The following MTG2 variants were observed in gnomAD, a reference collection of about 807,000 sequenced individuals.
The protein encoded by MTG2 is mitochondrial ribosome associated GTPase 2.
In MTG2, 23 loss-of-function variants were observed where a neutral mutation model predicts 28.6. The ratio of observed to expected loss-of-function variants is 0.80; its 90% CI spans 0.58 to 1.14. The LOEUF (loss-of-function observed/expected upper bound fraction) is 1.14. Among genes scored for constraint, MTG2 ranks in the 50% most tolerant of loss-of-function variants. MTG2 has a pLI of 0.00. For missense variants in MTG2, 539 were observed against 552.0 expected (o/e 0.98, Z 0.24); for synonymous variants, 260 against 251.8 (o/e 1.03, Z -0.31).
At chr20:62,190,466 C>T (rs1255412966) in intron 1 of MTG2, among the ~76,000 whole-genome samples, 7 of 152,192 alleles carry the variant, frequency 4.6e-5, no homozygotes, top group South Asian at 2.1e-4. Flanking sequence ...TCCTTCAACC[C>T]GAGGAACTTT....
intron 1 of MTG2, chr20:62,188,780 T>C (rs2057899166): frequency 6.6e-6 from 1 of 152,180 alleles, no homozygotes. Flanking sequence ...TTTTTTTGTT[T>C]GTTTTCCAGA....
At chr20:62,192,920 A>T (rs1296968888) in intron 1 of MTG2, among the ~76,000 whole-genome samples, 1 of 152,220 alleles carries the variant, frequency 6.6e-6, no homozygotes, top group African/African-American at 2.4e-5. Flanking sequence ...GAGGCCACAC[A>T]GGTGGATGGC....
chr20:62,187,661 G>A (rs1319222326), intron 1 of MTG2, among the ~76,000 whole-genome samples: 3 of 152,230 alleles, frequency 2.0e-5, no homozygotes. Flanking sequence ...CCCTCTGGCT[G>A]TCTGTAAGGT....
chr20:62,187,280 C>T (rs2057867958), intron 1 of MTG2, among the ~76,000 whole-genome samples: 1 of 152,176 alleles, frequency 6.6e-6, no homozygotes, highest in Non-Finnish European at 1.5e-5. Context: ...TTATTTGCAT[C>T]TATATTCATG....
intron 2 of MTG2, chr20:62,193,834 C>G: frequency 1.8e-6 from 1 of 570,964 alleles, no homozygotes; most frequent in Non-Finnish European, 3.1e-6. Flanking sequence ...CTGGGAGAGG[C>G]GCTGCGTGCT....
intron 4 of MTG2, 81 bp from the exon 5 acceptor site, chr20:62,198,553 G>A: frequency 1.4e-6 from 2 of 1,431,344 alleles, no homozygotes; most frequent in Middle Eastern, 3.9e-4. Flanking sequence ...TCTTTCCTTA[G>A]CGCTTGCTTC....
At chr20:62,189,413 G>A (rs138777881) in intron 1 of MTG2, among the ~76,000 whole-genome samples, 40 of 152,198 alleles carry the variant, frequency 2.6e-4, no homozygotes, top group African/African-American at 9.6e-4. Flanking sequence ...GGGCTCAAGT[G>A]ATTCTCCCAC....
At chr20:62,186,708 T>C (rs1238816408) in intron 1 of MTG2, among the ~76,000 whole-genome samples, 1 of 152,100 alleles carries the variant, frequency 6.6e-6, no homozygotes, top group Non-Finnish European at 1.5e-5. Flanking sequence ...TTTATATTTT[T>C]AGTAGAGATG....
intron 1 of MTG2, 25 bp from the exon 2 acceptor site, chr20:62,193,391 C>A (rs1385845879): frequency 6.2e-7 from 1 of 1,609,834 alleles, no homozygotes; most frequent in Non-Finnish European, 8.5e-7. Context: ...CCAAGTATCT[C>A]ATTTTGCCAA....
At position 62,200,752 on chromosome 20, in the gene MTG2, A is replaced by T. The variant is rs1385029111; in HGVS notation, c.896A>T (p.His299Leu). Residue 299 changes from histidine to leucine, a missense_variant, in exon 7 of 7, where the codon CAC becomes CTC. Physicochemically the swap from His to Leu is moderately conservative, Grantham distance 99. Coordinates refer to ENST00000370823, the MANE Select transcript of MTG2 (RefSeq NM_015666.4). ...GGTCTGGGGTCCGCCTTCCTCAGGCACATCGAGCGCTGCCGCTTTCTCTTG... is the reference window on the plus strand; with the variant it reads ...GGTCTGGGGTCCGCCTTCCTCAGGCTCATCGAGCGCTGCCGCTTTCTCTTG... ...NRGLGSAFLRHIERCRFLLFV... is the reference protein window; with the variant it reads ...NRGLGSAFLRLIERCRFLLFV... 1 of 1,613,638 alleles carries T rather than the reference A, an allele frequency of 6.2e-7. No homozygotes were observed. The highest frequency in any genetic ancestry group is 8.5e-7 in the Non-Finnish European group (1 of 1,180,036).
At position 62,192,934 on chromosome 20, in the gene MTG2, C is replaced by T. The variant is rs117031731; in HGVS notation, c.-5-482C>T. ...CGAGGCCACACAGGTGGATGGCCTT[C>T]CCTTAGAGTTACTTTCCAGAGCCTG... On this transcript the variant is annotated intron_variant, in intron 1 of 6. Coordinates refer to ENST00000370823, the MANE Select transcript of MTG2 (RefSeq NM_015666.4). Among the ~76,000 whole-genome samples, 3 of 152,352 alleles carry T rather than the reference C, an allele frequency of 2.0e-5. No individual in the cohort carries two copies. The East Asian group carries it at 5.8e-4, about 29-fold the overall frequency.
intron 1 of MTG2, among the ~76,000 whole-genome samples, chr20:62,185,864 G>A (rs1406373484): frequency 3.3e-5 from 5 of 152,204 alleles, no homozygotes; most frequent in African/African-American, 9.7e-5. Flanking sequence ...AAAGAGCAGC[G>A]TGAAAACAGT....
chr20:62,183,892 C>G (rs918114820), intron 1 of MTG2, among the ~76,000 whole-genome samples: 1 of 152,118 alleles, frequency 6.6e-6, no homozygotes, highest in Non-Finnish European at 1.5e-5. Context: ...GGCCTTAGTC[C>G]CTTGGGAAGT....
At chr20:62,185,025 A>G (rs1312935114) in intron 1 of MTG2, among the ~76,000 whole-genome samples, 1 of 151,434 alleles carries the variant, frequency 6.6e-6, no homozygotes, top group East Asian at 1.9e-4. Flanking sequence ...CGAGTGGATC[A>G]CTTGAACCCA....
chr20:62,202,767 AGTG>A lies in MTG2; in HGVS notation c.*1692_*1694del, dbSNP rs1337517170. The A allele has an allele frequency of 1.3e-5, 2 of 151,544 alleles. No individual in the cohort carries two copies. Among genetic ancestry groups the A allele is most frequent in the Non-Finnish European group, 2.9e-5 (2 of 68,062 alleles). 9.4% of individuals were successfully genotyped at this position (151,544 alleles called of 1,614,324 possible). On this transcript the variant is annotated 3_prime_UTR_variant, in exon 7 of 7. Transcript: ENST00000370823. ...GACTCCATCTCAAAAAAAAAAAAAAAGTGGAGGGGACAAAGAAGCAGAGAAGGA... is the reference window on the plus strand; with the variant it reads ...GACTCCATCTCAAAAAAAAAAAAAAAGAGGGGACAAAGAAGCAGAGAAGGA...
intron 1 of MTG2, among the ~76,000 whole-genome samples, chr20:62,184,172 C>G (rs1739598): frequency 0.32 from 48,832 of 152,142 alleles, 10,855 homozygotes; most frequent in African/African-American, 0.63. Context: ...GCCTGGCCAA[C>G]ATGGTGAAAC....
chr20:62,190,746 A>C (rs1044947240), intron 1 of MTG2, among the ~76,000 whole-genome samples: 1 of 152,232 alleles, frequency 6.6e-6, no homozygotes, highest in Non-Finnish European at 1.5e-5. Flanking sequence ...GTAGCGGTGC[A>C]GCGGCGGCGG....
chr20:62,197,846 C>A lies in MTG2; in HGVS notation c.353-6C>A. On this transcript the variant is annotated splice_polypyrimidine_tract_variant and splice_region_variant and intron_variant, in intron 3 of 6. Transcript: ENST00000370823. ...AAAGGGACTGAGATTCTTGTTCTTG[C>A]TTTAGTTGACCAGCAAGTCAAGTCC... is the stretch of plus-strand genomic sequence containing the variant. 6.2e-7 allele frequency: 1 copy of A among 1,613,298 alleles called. No homozygotes were observed. The highest frequency in any genetic ancestry group is 8.5e-7 in the Non-Finnish European group (1 of 1,179,216).
In MTG2 at chr20:62,201,260, G is replaced by C; in HGVS notation, c.*183G>C. On this transcript the variant is annotated 3_prime_UTR_variant, in exon 7 of 7. Coordinates refer to ENST00000370823, the MANE Select transcript of MTG2 (RefSeq NM_015666.4). Reference sequence around the variant, plus strand: ...GGAAGCATTCCGTGCCCCCTACCCCGCCTGCCCTCCGTATTTCCTGCACCT... The same window carrying C: ...GGAAGCATTCCGTGCCCCCTACCCCCCCTGCCCTCCGTATTTCCTGCACCT... The C allele has an allele frequency of 1.4e-6, 1 of 695,446 alleles. No homozygotes were observed. Among genetic ancestry groups the C allele is most frequent in the Non-Finnish European group, 2.3e-6 (1 of 428,898 alleles). 43.1% of individuals were successfully genotyped at this position (695,446 alleles called of 1,614,324 possible). A position where few individuals can be genotyped will look rare whatever the true frequency, so the allele number is the denominator to read the frequency against.
Sources: allele counts gnomAD v4.1 joint callset (sites outside exome capture counted in the v4.1 genomes callset), GRCh38; gene constraint gnomAD v4.1.1; transcripts MANE v1.5; gene names NCBI Gene and HGNC (gene_info 2026-07-23, HGNC 2026-07-21).